SPMIP10: variants seen among roughly 807,000 people sequenced by gnomAD.
The protein encoded by SPMIP10 is sperm microtubule inner protein 10.
At chr5:126,632,727 C>T in the SPMIP10 span, 4 of 889,872 alleles carry the variant, frequency 4.5e-6, no homozygotes, top group Non-Finnish European at 5.4e-6. Context: ...GTGACTTGTG[C>T]CAATAATCCT....
chr5:126,632,318 G>A, the SPMIP10 span, among the ~76,000 whole-genome samples: 42 of 135,422 alleles, frequency 3.1e-4, no homozygotes, highest in Admixed American at 3.2e-3. Flanking sequence ...TGGGCAAATT[G>A]TAAAGGACAG....
the SPMIP10 span, chr5:126,631,937 T>C: frequency 7.6e-6 from 5 of 660,226 alleles, no homozygotes; most frequent in Non-Finnish European, 1.4e-5. Context: ...AAGCTTTATG[T>C]TCCAGAGGGA....
chr5:126,632,042 A>G, the SPMIP10 span, among the ~76,000 whole-genome samples: 1 of 151,834 alleles, frequency 6.6e-6, no homozygotes, highest in Non-Finnish European at 1.5e-5. Context: ...CTGGCCAGAC[A>G]TTTCCTTTAG....
the SPMIP10 span, chr5:126,636,122 A>G: frequency 1.2e-6 from 2 of 1,613,976 alleles, no homozygotes; most frequent in Non-Finnish European, 1.7e-6. Flanking sequence ...GGAAGATCGT[A>G]AAGTTGTCTT....
the SPMIP10 span, among the ~76,000 whole-genome samples, chr5:126,633,632 T>A: frequency 6.6e-6 from 1 of 152,110 alleles, no homozygotes; most frequent in Non-Finnish European, 1.5e-5. Flanking sequence ...AATTCTAGGA[T>A]TACAGGAGTT....
the SPMIP10 span, among the ~76,000 whole-genome samples, chr5:126,633,008 C>CATATACATATATAT: frequency 1.3e-3 from 158 of 125,330 alleles, 1 homozygote; most frequent in Middle Eastern, 8.1e-3. Context: ...ATAAATTTTA[C>CATATACATATATAT]ATATATATAT....
chr5:126,635,323 A>G, the SPMIP10 span, among the ~76,000 whole-genome samples: 1 of 152,098 alleles, frequency 6.6e-6, no homozygotes, highest in African/African-American at 2.4e-5. Context: ...TTATTTATTT[A>G]TTCAACAGTC....
chr5:126,633,744 G>C, the SPMIP10 span, among the ~76,000 whole-genome samples: 1 of 152,134 alleles, frequency 6.6e-6, no homozygotes, highest in African/African-American at 2.4e-5. Context: ...CACTGCAGCT[G>C]CAGCAACCTC....
At chr5:126,632,258 TAAAA>T in the SPMIP10 span, among the ~76,000 whole-genome samples, 1,224 of 57,080 alleles carry the variant, frequency 0.021, 19 homozygotes, top group African/African-American at 0.057. Flanking sequence ...TCCATCTCAT[TAAAA>T]AAAAAAAAAA....
the SPMIP10 span, among the ~76,000 whole-genome samples, chr5:126,633,364 CT>C: frequency 1.3e-5 from 2 of 151,834 alleles, no homozygotes; most frequent in African/African-American, 4.8e-5. Context: ...TTATTTATTC[CT>C]TTTTTTCTTT....
At chr5:126,635,864 G>T in the SPMIP10 span, among the ~76,000 whole-genome samples, 3 of 151,848 alleles carry the variant, frequency 2.0e-5, no homozygotes, top group Non-Finnish European at 4.4e-5. Flanking sequence ...GTCTTGCTCT[G>T]TTGCCCAGGC....
At chr5:126,632,657 A>G in the SPMIP10 span, 3 of 1,526,810 alleles carry the variant, frequency 2.0e-6, no homozygotes, top group Non-Finnish European at 2.7e-6. Flanking sequence ...ATCTGAAGGT[A>G]TTTCCCCATA....
At chr5:126,634,903 T>G in the SPMIP10 span, among the ~76,000 whole-genome samples, 2 of 152,074 alleles carry the variant, frequency 1.3e-5, no homozygotes, top group Admixed American at 6.6e-5. Flanking sequence ...CTAGGTGCAG[T>G]GGCTTATGCC....
chr5:126,634,019 A>G, the SPMIP10 span, among the ~76,000 whole-genome samples: 1 of 152,236 alleles, frequency 6.6e-6, no homozygotes, highest in Non-Finnish European at 1.5e-5. Flanking sequence ...CAGCCACTGT[A>G]GAAGATAGTG....
the SPMIP10 span, among the ~76,000 whole-genome samples, chr5:126,635,596 C>A: frequency 6.6e-6 from 1 of 152,146 alleles, no homozygotes; most frequent in East Asian, 1.9e-4. Flanking sequence ...ACCCACAAAG[C>A]ATTGCTTTTA....
At chr5:126,632,022 T>C in the SPMIP10 span, among the ~76,000 whole-genome samples, 3 of 151,994 alleles carry the variant, frequency 2.0e-5, no homozygotes, top group East Asian at 5.8e-4. Context: ...ATAGTTTCTG[T>C]TTTTTGTGGC....
At chr5:126,633,714 G>T in the SPMIP10 span, among the ~76,000 whole-genome samples, 162 of 152,200 alleles carry the variant, frequency 1.1e-3, no homozygotes, top group African/African-American at 3.7e-3. Flanking sequence ...AGACAGGAGT[G>T]CAATGATGCA....
the SPMIP10 span, chr5:126,631,730 C>T: frequency 8.1e-6 from 13 of 1,595,524 alleles, no homozygotes; most frequent in Non-Finnish European, 1.1e-5. Context: ...CCATTGCTGT[C>T]AGGAATGGCT....
At chr5:126,632,617 G>A in the SPMIP10 span, 4 of 1,610,642 alleles carry the variant, frequency 2.5e-6, no homozygotes, top group Non-Finnish European at 3.4e-6. Context: ...GTCATGCCTT[G>A]GAAAGAAAAC....
Sources: allele counts gnomAD v4.1 joint callset (sites outside exome capture counted in the v4.1 genomes callset), GRCh38; gene constraint gnomAD v4.1.1; transcripts MANE v1.5; gene names NCBI Gene and HGNC (gene_info 2026-07-23, HGNC 2026-07-21).